The following ZNF800 variants were observed in gnomAD, a reference collection of about 807,000 sequenced individuals.
ZNF800 encodes the protein zinc finger protein 800.
Under a neutral mutation model 59.5 loss-of-function variants are expected in ZNF800, and 13 were observed. The observed-to-expected ratio is 0.22, with a 90% CI of 0.14 to 0.35. The LOEUF (loss-of-function observed/expected upper bound fraction) is 0.35, where lower values mean the gene tolerates loss of function less well. ZNF800 is among the 10% of genes least tolerant of loss of function. The pLI, the probability that ZNF800 is intolerant of heterozygous loss-of-function variation, is 1.00. For synonymous variants in ZNF800, 266 were observed against 265.7 expected (o/e 1.00, Z -0.01); for missense variants, 621 against 783.7 (o/e 0.79, Z 2.48).
chr7:127,352,545 G>A (rs780489964), intron 1 of ZNF800, among the ~76,000 whole-genome samples: 1 of 152,142 alleles, frequency 6.6e-6, no homozygotes, highest in East Asian at 1.9e-4. Flanking sequence ...TACTGACACT[G>A]GTTGCTGAGA....
At chr7:127,367,271 C>T (rs989891329), downstream of ZNF800, among the ~76,000 whole-genome samples, 4 of 152,060 alleles carry the variant, frequency 2.6e-5, no homozygotes, top group Non-Finnish European at 5.9e-5. Context: ...TCTAATAAAA[C>T]TCTCCTTAGA....
chr7:127,348,485 T>C (rs1800112973), intron 1 of ZNF800, among the ~76,000 whole-genome samples: 1 of 151,046 alleles, frequency 6.6e-6, no homozygotes, highest in Admixed American at 6.6e-5. Context: ...GTATTGGTTA[T>C]AGTCTTTTTC....
intron 1 of ZNF800, chr7:127,364,358 A>G (rs1800458816): frequency 6.6e-6 from 1 of 152,112 alleles, no homozygotes; most frequent in Admixed American, 6.6e-5. Context: ...AAAAATATTT[A>G]CTGAATGCGT....
chr7:127,382,758 G>A (rs1332000567), intron 3 of ZNF800, among the ~76,000 whole-genome samples: 6 of 152,118 alleles, frequency 3.9e-5, no homozygotes, highest in East Asian at 1.9e-4. Context: ...ACAAGAGTAC[G>A]TAGAGTCAGC....
Position 127,373,422 on chromosome 7 carries a change from T to C in ZNF800, c.1914A>G (p.Lys638=), listed in dbSNP as rs1340163895. The C allele has an allele frequency of 1.2e-6, 2 of 1,614,072 alleles. No homozygotes were observed. The highest frequency in any genetic ancestry group is 1.1e-5 in the South Asian group (1 of 91,068). Residue 638 remains lysine, a synonymous_variant, in exon 5 of 6, where the codon AAA becomes AAG. Transcript: ENST00000265827. ...AATTGGAAGCATTTGCCTTATGAGTTTTCTTATGATGTTCAAGGTAAGTCT... is the reference window on the plus strand; with the variant it reads ...AATTGGAAGCATTTGCCTTATGAGTCTTCTTATGATGTTCAAGGTAAGTCT... ...AKKTYLEHHK[K]THKANASNSP... is the part of the protein sequence containing the mutation.
intron 3 of ZNF800, among the ~76,000 whole-genome samples, chr7:127,379,982 A>G (rs1184862023): frequency 1.3e-5 from 2 of 151,512 alleles, no homozygotes; most frequent in African/African-American, 4.9e-5. Flanking sequence ...TCTTTCCCTC[A>G]CTTTTCAGGC....
Position 127,377,761 on chromosome 7 carries a change from T to C in ZNF800, c.158-432A>G, listed in dbSNP as rs1173353413. 1.3e-5 allele frequency among the ~76,000 whole-genome samples: 2 copies of C among 152,060 alleles called. No homozygotes were observed. Among genetic ancestry groups the C allele is most frequent in the Non-Finnish European group, 2.9e-5 (2 of 67,928 alleles). On this transcript the variant is annotated intron_variant, in intron 3 of 5. Coordinates refer to ENST00000265827, the MANE Select transcript of ZNF800 (RefSeq NM_176814.5). The surrounding 1 kb of genome is among the most constrained non-coding windows in gnomAD (Gnocchi z 4.7). ...TTTTTGGCTGGTTCTTTGAAGCTCTTTTCTGTATTAGGAAGTAAGCAAGGA... is the reference window on the plus strand; with the variant it reads ...TTTTTGGCTGGTTCTTTGAAGCTCTCTTCTGTATTAGGAAGTAAGCAAGGA...
chr7:127,392,316 G>A lies in ZNF800; in HGVS notation c.-315C>T. Reference sequence around the variant, plus strand: ...GGCGGCTCACGGCGTCCTCCGCGCTGTGTGGCTAGGCGGGAGGCGCGCGGG... The same window carrying A: ...GGCGGCTCACGGCGTCCTCCGCGCTATGTGGCTAGGCGGGAGGCGCGCGGG... On this transcript the variant is annotated 5_prime_UTR_variant, in exon 1 of 6. Coordinates refer to ENST00000265827, the MANE Select transcript of ZNF800 (RefSeq NM_176814.5). 2.6e-6 allele frequency: 1 copy of A among 385,334 alleles called. No individual in the cohort carries two copies. Among genetic ancestry groups the A allele is most frequent in the Non-Finnish European group, 4.6e-6 (1 of 217,574 alleles). The allele number at this position is 385,334 out of a possible 1,614,324, so 23.9% of individuals were successfully genotyped here.
At chr7:127,360,247 C>T (rs1480086484) in intron 1 of ZNF800, 1 of 152,066 alleles carries the variant, frequency 6.6e-6, no homozygotes, top group African/African-American at 2.4e-5. Flanking sequence ...TGGAGTCAGC[C>T]AAACATCTGC....
At chr7:127,384,984 G>A (rs1056282396) in intron 3 of ZNF800, among the ~76,000 whole-genome samples, 1 of 152,250 alleles carries the variant, frequency 6.6e-6, no homozygotes, top group Non-Finnish European at 1.5e-5. Context: ...AATGCCATGA[G>A]TACTACAGAT....
chr7:127,391,708 G>A (rs1801324816), intron 1 of ZNF800, 93 bp from the exon 2 acceptor site: 2 of 687,060 alleles, frequency 2.9e-6, no homozygotes, highest in Non-Finnish European at 5.3e-6. Context: ...TCAGCTCTCC[G>A]CTTTCCCTCC....
At chr7:127,348,628 C>T (rs547264347) in intron 1 of ZNF800, among the ~76,000 whole-genome samples, 1 of 152,200 alleles carries the variant, frequency 6.6e-6, no homozygotes, top group Non-Finnish European at 1.5e-5. Flanking sequence ...TGTATACTTA[C>T]GTGTACATGT....
In ZNF800 at chr7:127,351,408, G is replaced by A. The variant is rs573404582; in HGVS notation, n.225-3365C>T. 17 of 152,280 alleles carry A rather than the reference G, an allele frequency of 1.1e-4. 1 individual carries two copies. In the South Asian group the frequency reaches 3.3e-3, roughly 30 times the overall value. The allele number at this position is 152,280 out of a possible 1,614,324, so 9.4% of individuals were successfully genotyped here. On this transcript the variant is annotated intron_variant and non_coding_transcript_variant, in intron 1 of 1. Coordinates refer to the ZNF800 transcript ENST00000485577. ...TCCTATCTTTGACAGTTCTCAAAAT[G>A]TGGTTCTGAGACCACCACCTTTAAA... is the stretch of plus-strand genomic sequence containing the variant.
chr7:127,388,184 A>G (rs1801197300), intron 2 of ZNF800, among the ~76,000 whole-genome samples: 1 of 152,228 alleles, frequency 6.6e-6, no homozygotes, highest in Admixed American at 6.5e-5. Flanking sequence ...TGCTTAAAAC[A>G]GCCTGGGACA....
chr7:127,355,757 A>G (rs1376229561), intron 1 of ZNF800, among the ~76,000 whole-genome samples: 1 of 152,076 alleles, frequency 6.6e-6, no homozygotes, highest in Non-Finnish European at 1.5e-5. Context: ...TGGGTTGCCA[A>G]ATTTTCTTTA....
chr7:127,372,078 G>C (rs890259493), intron 5 of ZNF800, among the ~76,000 whole-genome samples: 36 of 152,250 alleles, frequency 2.4e-4, no homozygotes, highest in African/African-American at 7.0e-4. Flanking sequence ...AGGTATAGAA[G>C]GTGAACTTTT....
intron 4 of ZNF800, among the ~76,000 whole-genome samples, chr7:127,375,952 C>G (rs536188771): frequency 1.3e-5 from 2 of 151,766 alleles, no homozygotes; most frequent in South Asian, 4.2e-4. Flanking sequence ...ATGAGTATTG[C>G]GAAGACAAGT....
intron 3 of ZNF800, among the ~76,000 whole-genome samples, chr7:127,382,719 T>G (rs1801012200): frequency 6.6e-6 from 1 of 151,812 alleles, no homozygotes; most frequent in South Asian, 2.1e-4. Context: ...AATAAATAGT[T>G]GAATCTACAG....
rs769237800 is a variant in ZNF800 at position 127,377,220 on chromosome 7, T to A, written c.267A>T (p.Lys89Asn). 6.2e-7 allele frequency: 1 copy of A among 1,612,004 alleles called. No homozygotes were observed. The highest frequency in any genetic ancestry group is 1.1e-5 in the South Asian group (1 of 90,776). ...TCTGGAGACTTGGTGGGCAGTAGAA[T>A]TTTTTATGGGTAATTAAATTTGGTA... ...RGLPNLITHK[K>N]FYCPPSLQMD... Residue 89 changes from lysine (K) to asparagine (N), a missense_variant, in exon 4 of 6, where the codon AAA (lysine) becomes AAT (asparagine). This residue lies in a region of ZNF800 where 12 missense variants were observed against 34.4 expected (regional missense o/e 0.35). Coordinates refer to ENST00000265827, the MANE Select transcript of ZNF800 (RefSeq NM_176814.5). This position sits in a 1 kb window ranked among gnomAD's most constrained non-coding sequence, Gnocchi z 4.7.
Sources: allele counts gnomAD v4.1 joint callset (sites outside exome capture counted in the v4.1 genomes callset), GRCh38; gene constraint gnomAD v4.1.1; regional missense constraint gnomAD v4.1.1; non-coding constraint Gnocchi (gnomAD v3.1); transcripts MANE v1.5; gene names NCBI Gene and HGNC (gene_info 2026-07-23, HGNC 2026-07-21).